Variants in SLIT3 observed in about 807,000 individuals in gnomAD.
SLIT3 encodes slit homolog 3 protein.
Under a neutral mutation model 184.0 loss-of-function variants are expected in SLIT3, and 68 were observed. That is an observed-to-expected ratio of 0.37 (90% CI 0.30 to 0.45). The LOEUF is 0.45. Among genes scored for constraint, SLIT3 ranks in the 20% least tolerant of loss-of-function variants. The pLI is 1.00. For missense variants in SLIT3, 1,707 were observed against 2,026.0 expected (o/e 0.84, Z 3.02); for synonymous variants, 831 against 828.6 (o/e 1.00, Z -0.05).
At chr5:168,877,335 AG>A (rs1195630519) in intron 5 of SLIT3, among the ~76,000 whole-genome samples, 5 of 152,132 alleles carry the variant, frequency 3.3e-5, no homozygotes, top group Non-Finnish European at 1.5e-5. Flanking sequence ...TCTTATGTTA[AG>A]GGAGCAGCAA....
intron 4 of SLIT3, among the ~76,000 whole-genome samples, chr5:168,906,323 C>T (rs915410668): frequency 6.6e-6 from 1 of 152,236 alleles, no homozygotes; most frequent in African/African-American, 2.4e-5. Context: ...AGGAACATCA[C>T]AGGCAATTTA....
intron 4 of SLIT3, among the ~76,000 whole-genome samples, chr5:169,116,000 T>A (rs541616933): frequency 6.6e-6 from 1 of 152,114 alleles, no homozygotes; most frequent in South Asian, 2.1e-4. Context: ...GATAATAACA[T>A]AAACCAGTGA....
chr5:169,057,367 GTCCCT>G (rs1259692717), intron 4 of SLIT3, among the ~76,000 whole-genome samples: 2 of 152,222 alleles, frequency 1.3e-5, no homozygotes, highest in African/African-American at 4.8e-5. Context: ...GCTGTACAAA[GTCCCT>G]TCCCTTTTCT....
intron 4 of SLIT3, among the ~76,000 whole-genome samples, chr5:168,887,386 T>C (rs1213855669): frequency 6.6e-6 from 1 of 152,204 alleles, no homozygotes; most frequent in African/African-American, 2.4e-5. Context: ...TGGAAGTTCC[T>C]CAAAACTTGG....
chr5:168,772,536 C>G, intron 14 of SLIT3: 1 of 523,926 alleles, frequency 1.9e-6, no homozygotes, highest in Non-Finnish European at 3.4e-6. Flanking sequence ...GGTCCTGTCT[C>G]CCCTGCAACC....
intron 1 of SLIT3, among the ~76,000 whole-genome samples, chr5:169,253,991 A>G (rs1321339951): frequency 1.3e-5 from 2 of 152,192 alleles, no homozygotes; most frequent in South Asian, 2.1e-4. Flanking sequence ...CCTCCCACTG[A>G]GCTGTGCTGC....
At chr5:169,004,034 T>C (rs759759536) in intron 4 of SLIT3, among the ~76,000 whole-genome samples, 6 of 152,190 alleles carry the variant, frequency 3.9e-5, no homozygotes, top group African/African-American at 7.2e-5. Context: ...CCAAGAATTA[T>C]TCCCTTCCTC....
In SLIT3 at chr5:168,687,104, G is replaced by C. The variant is rs755876201; in HGVS notation, c.3189C>G (p.Val1063=). The change falls in exon 30 of 36, where the codon GTC becomes GTG. Residue 1063 remains valine (V), a synonymous_variant. Coordinates refer to ENST00000519560, the MANE Select transcript of SLIT3 (RefSeq NM_003062.4). ...CACAGAGCTTCCCGCTGTAGCCAGG[G>C]ACACACTCGCAGCTGGAACATAGGC... ...PLDKGFSCEC[V]PGYSGKLCET... is the part of the protein sequence containing the mutation. The C allele has an allele frequency of 8.1e-6, 13 of 1,614,018 alleles. No homozygotes were observed. Among genetic ancestry groups the C allele is most frequent in the Non-Finnish European group, 1.1e-5 (13 of 1,179,834 alleles).
chr5:168,871,059 T>C (rs1465452356), intron 5 of SLIT3, among the ~76,000 whole-genome samples: 3 of 152,222 alleles, frequency 2.0e-5, no homozygotes, highest in African/African-American at 7.2e-5. Flanking sequence ...TCAGTTTCAC[T>C]GTGCTCGTGT....
chr5:169,059,398 A>G (rs1163110692), intron 4 of SLIT3, among the ~76,000 whole-genome samples: 4 of 152,164 alleles, frequency 2.6e-5, no homozygotes, highest in Non-Finnish European at 4.4e-5. Context: ...AGCCTTACCC[A>G]TTCAATCCTA....
intron 4 of SLIT3, among the ~76,000 whole-genome samples, chr5:169,028,793 T>A (rs1253509259): frequency 6.6e-6 from 1 of 152,152 alleles, no homozygotes; most frequent in Non-Finnish European, 1.5e-5. Flanking sequence ...GACAATCACA[T>A]GGTAACCTAG....
rs115114441 is a variant in SLIT3 at position 168,967,297 on chromosome 5, T to C, written c.414-83961A>G. Reference sequence around the variant, plus strand: ...CCAAAATATTGCTAGTGATTATTTCTAGGTGAACAATCATGAGTTTAAATT... The same window carrying C: ...CCAAAATATTGCTAGTGATTATTTCCAGGTGAACAATCATGAGTTTAAATT... On this transcript the variant is annotated intron_variant, in intron 4 of 35. Transcript: ENST00000519560. 9.9e-3 allele frequency among the ~76,000 whole-genome samples: 1,511 copies of C among 152,114 alleles called. 29 individuals are homozygous for C. The highest frequency in any genetic ancestry group is 0.034 in the African/African-American group (1,420 of 41,462).
At chr5:168,787,787 C>T (rs567232104) in intron 11 of SLIT3, among the ~76,000 whole-genome samples, 19 of 151,974 alleles carry the variant, frequency 1.3e-4, no homozygotes, top group Non-Finnish European at 2.5e-4. Flanking sequence ...AATGAATGCA[C>T]GCACAGGTAA....
At chr5:169,282,508 G>A (rs986402713) in intron 1 of SLIT3, among the ~76,000 whole-genome samples, 7 of 152,150 alleles carry the variant, frequency 4.6e-5, no homozygotes, top group Non-Finnish European at 8.8e-5. Flanking sequence ...TCCATAGAAC[G>A]TTCTCACAAA....
intron 4 of SLIT3, among the ~76,000 whole-genome samples, chr5:168,895,247 A>G (rs1445481925): frequency 6.6e-6 from 1 of 152,198 alleles, no homozygotes; most frequent in Non-Finnish European, 1.5e-5. Context: ...ATATGGCACT[A>G]GAGTTCCTCT....
chr5:168,754,165 T>C (rs1397275221), intron 16 of SLIT3, among the ~76,000 whole-genome samples, 158 bp from the exon 17 acceptor site: 1 of 152,194 alleles, frequency 6.6e-6, no homozygotes, highest in Non-Finnish European at 1.5e-5. Flanking sequence ...CCCTGAACTT[T>C]GGTCTTCAGC....
intron 4 of SLIT3, among the ~76,000 whole-genome samples, chr5:169,082,597 T>TCTAC (rs1759115232): frequency 2.0e-5 from 3 of 152,218 alleles, no homozygotes; most frequent in African/African-American, 7.2e-5. Context: ...TCTCTCTTTC[T>TCTAC]CTACCTACCT....
Position 169,248,482 on chromosome 5 carries a change from C to T in SLIT3, c.269+2906G>A, listed in dbSNP as rs570813982. Among the ~76,000 whole-genome samples the T allele has an allele frequency of 2.0e-5, 3 of 152,264 alleles. No individual in the cohort carries two copies. The South Asian group carries it at 6.2e-4, about 32-fold the overall frequency. ...TCTGGGCTGAGATGCAAGCCAGGAG[C>T]ATGCACTAAAAGCCACTGATACCTT... On this transcript the variant is annotated intron_variant, in intron 2 of 35. Coordinates refer to ENST00000519560, the MANE Select transcript of SLIT3 (RefSeq NM_003062.4).
At chr5:169,173,458 C>T (rs369986239) in intron 4 of SLIT3, among the ~76,000 whole-genome samples, 3 of 152,138 alleles carry the variant, frequency 2.0e-5, no homozygotes, top group African/African-American at 7.2e-5. Context: ...CATCGAGTCC[C>T]TCCATTGTCC....
Sources: allele counts gnomAD v4.1 joint callset (sites outside exome capture counted in the v4.1 genomes callset), GRCh38; gene constraint gnomAD v4.1.1; transcripts MANE v1.5; gene names NCBI Gene and HGNC (gene_info 2026-07-23, HGNC 2026-07-21).